The following CHL1 variants were observed in gnomAD, a reference collection of about 807,000 sequenced individuals.
The protein encoded by CHL1 is neural cell adhesion molecule L1-like protein.
A neutral mutation model predicts 141.9 loss-of-function variants in CHL1; 96 were observed. That is an observed-to-expected ratio of 0.68 (90% CI 0.57 to 0.80). The LOEUF is 0.80. Ranked by LOEUF, CHL1 falls within the 30% of genes least tolerant of loss-of-function variation. The pLI is 0.00. For synonymous variants in CHL1, 613 were observed against 502.2 expected, an observed-to-expected ratio of 1.22 and a Z score of -2.95; for missense variants, 1,820 against 1,457.2, an observed-to-expected ratio of 1.25 and a Z score of -4.05.
intron 11 of CHL1, among the ~76,000 whole-genome samples, chr3:355,778 A>T (rs1046753171): frequency 1.3e-5 from 2 of 152,144 alleles, no homozygotes; most frequent in Non-Finnish European, 2.9e-5. Flanking sequence ...AATGAAAAAA[A>T]ATGTGGCCAG....
intron 10 of CHL1, among the ~76,000 whole-genome samples, chr3:350,998 C>A (rs1337374775): frequency 2.0e-5 from 3 of 152,130 alleles, no homozygotes; most frequent in Non-Finnish European, 2.9e-5. Context: ...CTCCTCCCCT[C>A]CCTGGCACAC....
intron 20 of CHL1, among the ~76,000 whole-genome samples, chr3:390,178 A>C (rs1291114636): frequency 6.6e-6 from 1 of 152,210 alleles, no homozygotes; most frequent in Non-Finnish European, 1.5e-5. Context: ...CACATATCAC[A>C]AGTGAATTAA....
intron 23 of CHL1, among the ~76,000 whole-genome samples, chr3:392,272 T>C (rs11129762): frequency 0.87 from 132,169 of 152,266 alleles, 59,946 homozygotes; most frequent in East Asian, 1. Context: ...ATTCAAAGCA[T>C]AGGTACCTTC....
chr3:365,937 T>A lies in CHL1; in HGVS notation c.1586-13T>A. The A allele has an allele frequency of 1.2e-6, 2 of 1,606,852 alleles. No individual in the cohort carries two copies. Among genetic ancestry groups the A allele is most frequent in the Non-Finnish European group, 1.7e-6 (2 of 1,175,546 alleles). The stretch of plus-strand genomic sequence containing the variant: ...GCTTAGTTCTAACTAATATCTTTGT[T>A]TGGTAAAAACAGATGCTACAAAACT... On this transcript the variant is annotated splice_polypyrimidine_tract_variant and intron_variant, in intron 14 of 27. Transcript: ENST00000256509.
chr3:198,001 C>T (rs1196522235), intron 1 of CHL1: 2 of 351,966 alleles, frequency 5.7e-6, no homozygotes, highest in African/African-American at 2.2e-5. Context: ...TCTCCGGGCT[C>T]GCTGCGAGCC....
At chr3:254,692 A>C (rs903673812) in intron 2 of CHL1, among the ~76,000 whole-genome samples, 1 of 152,182 alleles carries the variant, frequency 6.6e-6, no homozygotes, top group Non-Finnish European at 1.5e-5. Context: ...AGGCATCAGC[A>C]TCTGGTGAGG....
In CHL1 at chr3:319,668, T is replaced by C; in HGVS notation, c.-94-15T>C. The C allele has an allele frequency of 1.6e-6, 1 of 641,212 alleles. No individual in the cohort carries two copies. The highest frequency in any genetic ancestry group is 2.8e-6 in the Non-Finnish European group (1 of 359,988). 39.7% of individuals were successfully genotyped at this position (641,212 alleles called of 1,614,324 possible). ...GAGTTTGTGAACTAACATGTTATTC[T>C]GTTTGTGTTTTTAGTTTCCAGGTTA... On this transcript the variant is annotated splice_polypyrimidine_tract_variant and intron_variant, in intron 2 of 27. Coordinates refer to ENST00000256509, the MANE Select transcript of CHL1 (RefSeq NM_006614.4).
chr3:270,243 G>C (rs905780097), intron 2 of CHL1, among the ~76,000 whole-genome samples: 5 of 151,586 alleles, frequency 3.3e-5, no homozygotes, highest in African/African-American at 1.2e-4. Context: ...GCAAAAAATA[G>C]TGTGGAAAAC....
At chr3:360,889 A>G (rs1468249413) in intron 12 of CHL1, among the ~76,000 whole-genome samples, 2 of 150,214 alleles carry the variant, frequency 1.3e-5, no homozygotes, top group South Asian at 2.1e-4. Context: ...ATGATTTCCA[A>G]TTTCATCCAT....
At chr3:267,154 A>G (rs1013227065) in intron 2 of CHL1, among the ~76,000 whole-genome samples, 12 of 152,344 alleles carry the variant, frequency 7.9e-5, no homozygotes, top group African/African-American at 1.7e-4. Context: ...ACAGTACACC[A>G]TAGGATTTAA....
intron 11 of CHL1, among the ~76,000 whole-genome samples, chr3:356,778 C>G (rs911650527): frequency 2.0e-5 from 3 of 152,022 alleles, no homozygotes; most frequent in Non-Finnish European, 4.4e-5. Context: ...CAAGGGGCAG[C>G]CCTAGGCCAC....
At chr3:369,472 T>C (rs1414584881) in intron 15 of CHL1, among the ~76,000 whole-genome samples, 1 of 152,252 alleles carries the variant, frequency 6.6e-6, no homozygotes, top group Non-Finnish European at 1.5e-5. Flanking sequence ...ATTGCTAAAA[T>C]TGCTTATCAG....
At chr3:279,820 G>A (rs115614892) in intron 2 of CHL1, among the ~76,000 whole-genome samples, 9 of 152,140 alleles carry the variant, frequency 5.9e-5, no homozygotes, top group African/African-American at 1.7e-4. Flanking sequence ...GGACTTAAAG[G>A]CTGCTTAGAC....
chr3:235,796 T>C (rs536907509), intron 1 of CHL1, among the ~76,000 whole-genome samples: 46 of 152,328 alleles, frequency 3.0e-4, no homozygotes, highest in African/African-American at 9.9e-4. Flanking sequence ...ACATTTTTGC[T>C]TATTGCTTTC....
At chr3:238,099 C>G (rs558040290) in intron 1 of CHL1, among the ~76,000 whole-genome samples, 3 of 152,246 alleles carry the variant, frequency 2.0e-5, no homozygotes, top group Non-Finnish European at 2.9e-5. Context: ...GTACTAGTAG[C>G]TTATAACCTA....
At position 382,674 on chromosome 3, in the gene CHL1, A is replaced by G. The variant is rs369281024; in HGVS notation, c.2176+3A>G. On this transcript the variant is annotated splice_donor_region_variant and intron_variant, in intron 18 of 27. Coordinates refer to ENST00000256509, the MANE Select transcript of CHL1 (RefSeq NM_006614.4). ...CCATCATGAAACACCACCAGCAGGT[A>G]TGCAGGTTCTCACATCAGGTTTCTA... 38 of 1,611,414 alleles carry G rather than the reference A, an allele frequency of 2.4e-5. No homozygotes were observed. The highest frequency in any genetic ancestry group is 3.0e-5 in the Non-Finnish European group (35 of 1,177,782).
intron 1 of CHL1, among the ~76,000 whole-genome samples, chr3:238,482 T>A (rs1233117737): frequency 2.6e-5 from 4 of 152,188 alleles, no homozygotes; most frequent in Admixed American, 6.5e-5. Flanking sequence ...AGAATAGGCA[T>A]TTTTTGTCAA....
At chr3:400,200 A>G (rs534421898) in intron 26 of CHL1, among the ~76,000 whole-genome samples, 30 of 152,354 alleles carry the variant, frequency 2.0e-4, no homozygotes, top group African/African-American at 5.3e-4. Flanking sequence ...TTATCTAGCA[A>G]ATATTTATTG....
In CHL1 at chr3:255,930, G is replaced by T. The variant is rs569802714; in HGVS notation, c.-95+11238G>T. 2.0e-5 allele frequency among the ~76,000 whole-genome samples: 3 copies of T among 152,310 alleles called. No homozygotes were observed. In the South Asian group the frequency reaches 6.2e-4, roughly 32 times the overall value. On this transcript the variant is annotated intron_variant, in intron 2 of 27. Transcript: ENST00000256509. ...CATCGGTTTTTTACACTATCTAAAA[G>T]GAAGGTGTCTGTGGATTGAGGATAT...
Sources: allele counts gnomAD v4.1 joint callset (sites outside exome capture counted in the v4.1 genomes callset), GRCh38; gene constraint gnomAD v4.1.1; transcripts MANE v1.5; gene names NCBI Gene and HGNC (gene_info 2026-07-23, HGNC 2026-07-21).